The following TENM3 variants were observed in gnomAD, a reference collection of about 807,000 sequenced individuals.
TENM3 encodes the protein teneurin transmembrane protein 3, also known as teneurin-3.
TENM3 carries 63 observed loss-of-function variants against 255.1 expected under a neutral mutation model. That is an observed-to-expected ratio of 0.25 (90% CI 0.20 to 0.30). TENM3 has a LOEUF of 0.30. TENM3 is among the 10% of genes least tolerant of loss of function. The pLI, the probability that TENM3 is intolerant of heterozygous loss-of-function variation, is 1.00. For synonymous variants in TENM3, 1,306 were observed against 1,322.3 expected, an observed-to-expected ratio of 0.99 and a Z score of 0.27; for missense variants, 2,929 against 3,461.1, an observed-to-expected ratio of 0.85 and a Z score of 3.86.
At chr4:182,497,292 C>T (rs1346364188) in intron 3 of TENM3, among the ~76,000 whole-genome samples, 1 of 152,090 alleles carries the variant, frequency 6.6e-6, no homozygotes, top group Non-Finnish European at 1.5e-5. Context: ...ACCTAGTGAT[C>T]TGTCCGCCTC....
chr4:181,886,335 G>A, the TENM3 span, among the ~76,000 whole-genome samples: 1 of 152,166 alleles, frequency 6.6e-6, no homozygotes, highest in South Asian at 2.1e-4. Flanking sequence ...TTACAGGCAT[G>A]AATGAGCCAC....
At chr4:182,019,235 C>T in the TENM3 span, among the ~76,000 whole-genome samples, 1 of 152,278 alleles carries the variant, frequency 6.6e-6, no homozygotes, top group East Asian at 1.9e-4. Flanking sequence ...TTTGGAAACC[C>T]CCAAAGTTTC....
In TENM3 at chr4:182,653,823, A is replaced by C. The variant is rs1164824568; in HGVS notation, c.1041A>C (p.Thr347=). 6.2e-7 allele frequency: 1 copy of C among 1,613,130 alleles called. No individual in the cohort carries two copies. Among genetic ancestry groups the C allele is most frequent in the Non-Finnish European group, 8.5e-7 (1 of 1,179,466 alleles). The change falls in exon 6 of 28, where the codon ACA becomes ACC. Residue 347 remains threonine, a synonymous_variant. Transcript: ENST00000511685. ...AGCTACAGCAGACTGAAAATGACAC[A>C]TTTGAGAATGGAAAAGTGAATTCTG... is the stretch of plus-strand genomic sequence containing the variant. ...NWQLQQTEND[T]FENGKVNSDT...
the TENM3 span, among the ~76,000 whole-genome samples, chr4:182,120,445 A>T: frequency 1.3e-4 from 20 of 152,116 alleles, no homozygotes; most frequent in Admixed American, 1.3e-3. Flanking sequence ...ATGTACCTAC[A>T]TATATATGTG....
Position 182,270,444 on chromosome 4 carries a change from A to G in TENM3, c.-76+26968A>G, listed in dbSNP as rs533863630. On this transcript the variant is annotated intron_variant, in intron 1 of 27. Transcript: ENST00000511685. ...ATTGCTACACAAAGAATCTTGTTTC[A>G]TTAGTCTTATGATTTCTATTTTAAC... Among the ~76,000 whole-genome samples the G allele has an allele frequency of 2.6e-5, 4 of 152,248 alleles. No homozygotes were observed. The East Asian group carries it at 7.7e-4, about 29-fold the overall frequency.
chr4:181,743,245 C>G, the TENM3 span, among the ~76,000 whole-genome samples: 2 of 152,140 alleles, frequency 1.3e-5, no homozygotes, highest in Admixed American at 6.5e-5. Flanking sequence ...CCTGAGGAAT[C>G]GCCACACTGA....
chr4:181,485,752 A>G, the TENM3 span, among the ~76,000 whole-genome samples: 1 of 152,182 alleles, frequency 6.6e-6, no homozygotes, highest in East Asian at 1.9e-4. Flanking sequence ...AAGTATTTCA[A>G]TGTTGATCAA....
the TENM3 span, among the ~76,000 whole-genome samples, chr4:181,882,657 G>A: frequency 5.2e-3 from 796 of 152,308 alleles, 11 homozygotes; most frequent in African/African-American, 0.018. Flanking sequence ...ATTAAAACCA[G>A]TTACTCCTAA....
chr4:181,770,224 A>G, the TENM3 span, among the ~76,000 whole-genome samples: 2 of 152,218 alleles, frequency 1.3e-5, no homozygotes, highest in Non-Finnish European at 2.9e-5. Flanking sequence ...GAGGGGTTAT[A>G]TATATGAATA....
the TENM3 span, among the ~76,000 whole-genome samples, chr4:181,455,251 T>C: frequency 6.6e-6 from 1 of 151,838 alleles, no homozygotes; most frequent in African/African-American, 2.4e-5. Flanking sequence ...GTGAGGAGAG[T>C]GAGGTCCCCT....
chr4:182,288,713 C>G (rs1304627132), intron 1 of TENM3, among the ~76,000 whole-genome samples: 1 of 152,074 alleles, frequency 6.6e-6, no homozygotes, highest in Non-Finnish European at 1.5e-5. Flanking sequence ...TACAGCTGTT[C>G]AGTAGAAAAA....
chr4:182,689,410 A>G (rs915499928), intron 12 of TENM3, among the ~76,000 whole-genome samples: 3 of 152,178 alleles, frequency 2.0e-5, no homozygotes, highest in Non-Finnish European at 2.9e-5. Context: ...TGTCTTATAA[A>G]TTGTCACAAG....
At position 182,160,369 on chromosome 4, in the gene TENM3, C is replaced by T. The variant is rs189309790; in HGVS notation, c.-76+15615C>T. On this transcript the variant is annotated intron_variant, in intron 1 of 2. Coordinates refer to the TENM3 transcript ENST00000512480. ...TTTTTCCACATTACGGTTAGAATGA[C>T]CTAACGAGAATATTCTATTTAAAGA... Among the ~76,000 whole-genome samples the T allele has an allele frequency of 2.3e-3, 346 of 152,128 alleles. 1 individual carries two copies. Among genetic ancestry groups the T allele is most frequent in the Middle Eastern group, 3.4e-3 (1 of 294 alleles).
At chr4:182,125,896 A>G in the TENM3 span, among the ~76,000 whole-genome samples, 5 of 152,092 alleles carry the variant, frequency 3.3e-5, no homozygotes, top group East Asian at 1.9e-4. Flanking sequence ...TGACAATGCA[A>G]TTTGGGGGAT....
At chr4:182,693,538 C>T (rs936472110) in intron 12 of TENM3, among the ~76,000 whole-genome samples, 1 of 152,018 alleles carries the variant, frequency 6.6e-6, no homozygotes, top group African/African-American at 2.4e-5. Flanking sequence ...GGGGTTTCAC[C>T]GCGTTGGCCA....
chr4:182,292,576 A>G (rs2150330530), intron 1 of TENM3, among the ~76,000 whole-genome samples: 1 of 152,330 alleles, frequency 6.6e-6, no homozygotes, highest in South Asian at 2.1e-4. Flanking sequence ...TTTTTGTCAC[A>G]GTTCCTTTGA....
rs561906961 is a variant in TENM3 at position 182,740,899 on chromosome 4, G to A, written c.3380-2271G>A. Among the ~76,000 whole-genome samples, 539 of 152,218 alleles carry A rather than the reference G, an allele frequency of 3.5e-3. 6 individuals carry two copies. Among genetic ancestry groups the A allele is most frequent in the African/African-American group, 0.013 (521 of 41,552 alleles). ...CTAAATTATAAAATATATTTAGGCC[G>A]AGCACGGTGGCTCACACCTGTAATC... On this transcript the variant is annotated intron_variant, in intron 18 of 27. Transcript: ENST00000511685.
At chr4:181,855,313 A>T in the TENM3 span, among the ~76,000 whole-genome samples, 2 of 152,212 alleles carry the variant, frequency 1.3e-5, no homozygotes, top group African/African-American at 4.8e-5. Context: ...GACACTTGAC[A>T]GATGTTTTCT....
At chr4:181,874,535 T>TTCTCTCCA in the TENM3 span, 1 of 152,368 alleles carries the variant, frequency 6.6e-6, no homozygotes, top group African/African-American at 2.4e-5. Flanking sequence ...TGGCTTCAAC[T>TTCTCTCCA]TCTCTCCATC....
Sources: gnomAD v4.1 joint callset for allele counts (sites outside exome capture counted in the v4.1 genomes callset) on GRCh38, gnomAD v4.1.1 for gene constraint, MANE v1.5 for transcripts, NCBI Gene and HGNC (gene_info 2026-07-23, HGNC 2026-07-21) for gene names.